The following ZNF532 variants were observed in gnomAD, a reference collection of about 807,000 sequenced individuals.
The protein encoded by ZNF532 is zinc finger protein 532.
Under a neutral mutation model 89.3 loss-of-function variants are expected in ZNF532, and 22 were observed. That is an observed-to-expected ratio of 0.25 (90% CI 0.18 to 0.35). The LOEUF is 0.35. Ranked by LOEUF, ZNF532 falls within the 10% of genes least tolerant of loss-of-function variation. The pLI, the probability that ZNF532 is intolerant of heterozygous loss-of-function variation, is 1.00. For missense variants in ZNF532, 1,132 were observed against 1,643.4 expected (o/e 0.69, Z 5.38); for synonymous variants, 606 against 649.6 (o/e 0.93, Z 1.02).
At chr18:58,925,724 G>A (rs1463460308) in intron 3 of ZNF532, among the ~76,000 whole-genome samples, 3 of 152,162 alleles carry the variant, frequency 2.0e-5, no homozygotes, top group East Asian at 1.9e-4. Context: ...TTTCCTCAAC[G>A]TTTTATAATT....
chr18:58,946,829 A>G (rs531472375), intron 5 of ZNF532, among the ~76,000 whole-genome samples: 1 of 152,268 alleles, frequency 6.6e-6, no homozygotes, highest in South Asian at 2.1e-4. Flanking sequence ...AAACAGGCCA[A>G]TCCAGTTAAA....
At chr18:58,902,494 T>C (rs899515276) in intron 2 of ZNF532, among the ~76,000 whole-genome samples, 27 of 151,514 alleles carry the variant, frequency 1.8e-4, no homozygotes, top group Non-Finnish European at 7.4e-5. Flanking sequence ...CCCTTCTCCT[T>C]CTTTTTTTTT....
At chr18:58,880,772 GTC>G (rs58510508) in intron 2 of ZNF532, among the ~76,000 whole-genome samples, 5,099 of 127,572 alleles carry the variant, frequency 0.04, 271 homozygotes, top group African/African-American at 0.13. Flanking sequence ...ACGCGCGCGC[GTC>G]TGTGTGTGTG....
intron 2 of ZNF532, among the ~76,000 whole-genome samples, chr18:58,879,303 T>G (rs1417383193): frequency 6.6e-6 from 1 of 152,188 alleles, no homozygotes; most frequent in East Asian, 1.9e-4. Context: ...GGCAAAACAA[T>G]TAATTAAATG....
upstream of ZNF532, chr18:58,863,217 T>A (rs1245047567): frequency 1.3e-5 from 2 of 152,074 alleles, no homozygotes; most frequent in African/African-American, 4.8e-5. Context: ...GCCCGCAATG[T>A]CGTTGGAAAA....
rs150340505 is a variant in ZNF532, at chr18:58,919,981, A to G, written c.1694A>G (p.Lys565Arg). The G allele has an allele frequency of 1.4e-4, 228 of 1,613,744 alleles. 1 individual carries two copies. Among genetic ancestry groups the G allele is most frequent in the Admixed American group, 3.0e-4 (18 of 59,978 alleles). Residue 565 changes from lysine to arginine, a missense_variant, in exon 3 of 10, where the codon AAA (lysine) becomes AGA (arginine). Lys to Arg is a conservative substitution (Grantham distance 26). Coordinates refer to ENST00000591808, the MANE Select transcript of ZNF532 (RefSeq NM_001375912.1). This position sits in a 1 kb window ranked among gnomAD's most constrained non-coding sequence, Gnocchi z 6.1. Reference sequence around the variant, plus strand: ...AATGCAGCAGCCTCGCAACCCCCCAAAAAGGTGTCTCGAGTCCAGGTGGTG... The same window carrying G: ...AATGCAGCAGCCTCGCAACCCCCCAGAAAGGTGTCTCGAGTCCAGGTGGTG... ...IINAAASQPP[K>R]KVSRVQVVSS...
At chr18:58,879,017 G>T (rs2057667586) in intron 2 of ZNF532, among the ~76,000 whole-genome samples, 1 of 152,168 alleles carries the variant, frequency 6.6e-6, no homozygotes, top group African/African-American at 2.4e-5. Context: ...TGTCCTACTT[G>T]CAGTTCTCAA....
chr18:58,899,691 T>A (rs1453436057), intron 2 of ZNF532, among the ~76,000 whole-genome samples: 2 of 152,128 alleles, frequency 1.3e-5, no homozygotes, highest in African/African-American at 4.8e-5. Flanking sequence ...GTGGTCTCAA[T>A]CTCTCGACTT....
intron 3 of ZNF532, among the ~76,000 whole-genome samples, chr18:58,932,862 A>G (rs1358418556): frequency 6.6e-6 from 1 of 152,158 alleles, no homozygotes. Context: ...GTACGTGTGT[A>G]TGTATATATG....
At chr18:58,942,724 A>G (rs577315766) in intron 5 of ZNF532, among the ~76,000 whole-genome samples, 1 of 152,262 alleles carries the variant, frequency 6.6e-6, no homozygotes, top group African/African-American at 2.4e-5. Context: ...ATTTGACCCA[A>G]AGGTTTCTTT....
At chr18:58,879,003 C>T (rs2057665875) in intron 2 of ZNF532, among the ~76,000 whole-genome samples, 1 of 152,226 alleles carries the variant, frequency 6.6e-6, no homozygotes, top group African/African-American at 2.4e-5. Flanking sequence ...CACCTGTAGT[C>T]CTCTGTCCTA....
At chr18:58,964,707 C>T (rs2065746479) in intron 7 of ZNF532, among the ~76,000 whole-genome samples, 1 of 151,942 alleles carries the variant, frequency 6.6e-6, no homozygotes, top group South Asian at 2.1e-4. Flanking sequence ...CAGCCTCAGC[C>T]TCCTGAGTAG....
chr18:58,952,124 A>G (rs1410818071), intron 6 of ZNF532, among the ~76,000 whole-genome samples: 3 of 152,224 alleles, frequency 2.0e-5, no homozygotes, highest in Non-Finnish European at 2.9e-5. Context: ...AGAAAATGTG[A>G]TGGAGAGTGT....
chr18:58,908,206 A>G (rs774954314), intron 2 of ZNF532, among the ~76,000 whole-genome samples: 21 of 152,216 alleles, frequency 1.4e-4, no homozygotes, highest in South Asian at 1.0e-3. Context: ...ATTTTTGGAC[A>G]CAAGCCAGGA....
At chr18:58,976,940 C>T (rs893676457) in intron 7 of ZNF532, among the ~76,000 whole-genome samples, 1 of 152,098 alleles carries the variant, frequency 6.6e-6, no homozygotes, top group Non-Finnish European at 1.5e-5. Context: ...GGCTCGTTAC[C>T]TCTTAGTCAC....
intron 7 of ZNF532, among the ~76,000 whole-genome samples, chr18:58,970,476 G>T (rs748978294): frequency 1.2e-4 from 19 of 152,234 alleles, no homozygotes; most frequent in Non-Finnish European, 2.5e-4. Context: ...GGGGAATGAA[G>T]TTGAGCCAGA....
chr18:58,885,951 C>T (rs186775050), intron 2 of ZNF532, among the ~76,000 whole-genome samples: 8 of 151,922 alleles, frequency 5.3e-5, no homozygotes, highest in Admixed American at 3.9e-4. Flanking sequence ...TGGCATCCTT[C>T]TGAGCCTTTC....
intron 7 of ZNF532, among the ~76,000 whole-genome samples, chr18:58,961,212 C>T (rs2065313725): frequency 6.6e-6 from 1 of 152,238 alleles, no homozygotes. Flanking sequence ...GCATTTCTCA[C>T]AAGCCCTAGC....
At chr18:58,879,055 A>T (rs895966068) in intron 2 of ZNF532, among the ~76,000 whole-genome samples, 4 of 152,216 alleles carry the variant, frequency 2.6e-5, no homozygotes, top group Non-Finnish European at 5.9e-5. Context: ...GGCCTGGTCT[A>T]ATCAGCTGTG....
Sources: gnomAD v4.1 joint callset for allele counts (sites outside exome capture counted in the v4.1 genomes callset) on GRCh38, gnomAD v4.1.1 for gene constraint, Gnocchi (gnomAD v3.1) non-coding constraint, MANE v1.5 for transcripts, NCBI Gene and HGNC (gene_info 2026-07-23, HGNC 2026-07-21) for gene names.